DHRSX: variants seen among roughly 807,000 people sequenced by gnomAD.
DHRSX encodes polyprenol dehydrogenase.
A neutral mutation model predicts 34.0 loss-of-function variants in DHRSX; 31 were observed. The ratio of observed to expected loss-of-function variants is 0.91; its 90% confidence interval spans 0.69 to 1.23. The LOEUF is 1.23. Among genes scored for constraint, DHRSX ranks in the 50% most tolerant of loss-of-function variants. The pLI, the probability that DHRSX is intolerant of heterozygous loss-of-function variation, is 0.00. For missense variants in DHRSX, 414 were observed against 428.1 expected (o/e 0.97, Z 0.29); for synonymous variants, 201 against 183.8 (o/e 1.09, Z -0.76).
chrX:2,269,997 T>G (rs907246152), intron 4 of DHRSX, among the ~76,000 whole-genome samples: 3 of 152,204 alleles, frequency 2.0e-5, no homozygotes, highest in Non-Finnish European at 2.9e-5. Context: ...TATGGAGCTA[T>G]CTATACATAT....
At chrX:2,460,267 TC>T (rs1013991379) in intron 1 of DHRSX, among the ~76,000 whole-genome samples, 15 of 151,952 alleles carry the variant, frequency 9.9e-5, no homozygotes, top group African/African-American at 3.1e-4. Flanking sequence ...GATCAGGCTG[TC>T]CCCTAACACA....
intron 1 of DHRSX, among the ~76,000 whole-genome samples, chrX:2,477,611 C>T (rs1432737252): frequency 1.3e-5 from 2 of 152,042 alleles, no homozygotes; most frequent in Non-Finnish European, 2.9e-5. Flanking sequence ...TTTGGGAGGC[C>T]GAGGCGGATG....
intron 1 of DHRSX, among the ~76,000 whole-genome samples, chrX:2,428,320 C>T (rs1212672989): frequency 2.0e-5 from 3 of 152,056 alleles, no homozygotes; most frequent in East Asian, 3.9e-4. Flanking sequence ...GACACACACA[C>T]GTATGTTTAT....
At chrX:2,356,582 T>C (rs73189683) in intron 3 of DHRSX, among the ~76,000 whole-genome samples, 11,922 of 152,188 alleles carry the variant, frequency 0.078, 572 homozygotes, top group East Asian at 0.22. Context: ...AGAAACATAG[T>C]TGATCCTTCA....
chrX:2,318,424 G>A (rs772126093), intron 3 of DHRSX, among the ~76,000 whole-genome samples: 21 of 152,120 alleles, frequency 1.4e-4, no homozygotes, highest in Admixed American at 2.6e-4. Flanking sequence ...TCGGCATTAA[G>A]ATACAGGTCC....
At chrX:2,414,581 TCTC>T (rs1235123516) in intron 2 of DHRSX, among the ~76,000 whole-genome samples, 2 of 150,972 alleles carry the variant, frequency 1.3e-5, no homozygotes, top group Non-Finnish European at 3.0e-5. Context: ...TCCAACTAGA[TCTC>T]CTCATGACAT....
At chrX:2,386,976 T>C (rs2043280241) in intron 3 of DHRSX, among the ~76,000 whole-genome samples, 1 of 152,138 alleles carries the variant, frequency 6.6e-6, no homozygotes, top group South Asian at 2.1e-4. Flanking sequence ...AATTTTACTT[T>C]ATTTCTTAGA....
chrX:2,272,404 C>A (rs2041569679), intron 4 of DHRSX, among the ~76,000 whole-genome samples: 1 of 152,096 alleles, frequency 6.6e-6, no homozygotes, highest in Non-Finnish European at 1.5e-5. Flanking sequence ...CTAAAGCAGG[C>A]CTGCAAATTC....
intron 3 of DHRSX, among the ~76,000 whole-genome samples, chrX:2,352,041 A>T (rs1385877737): frequency 6.6e-6 from 1 of 152,026 alleles, no homozygotes; most frequent in Non-Finnish European, 1.5e-5. Flanking sequence ...TTGTTTCAAT[A>T]AACAGCTGTG....
chrX:2,227,365 A>G (rs2015692861), intron 6 of DHRSX, among the ~76,000 whole-genome samples: 1 of 151,402 alleles, frequency 6.6e-6, no homozygotes. Flanking sequence ...GAGGAAGAAG[A>G]AAGGAGGAAA....
At chrX:2,330,732 G>C (rs919062901) in intron 3 of DHRSX, among the ~76,000 whole-genome samples, 4 of 151,094 alleles carry the variant, frequency 2.6e-5, no homozygotes, top group Non-Finnish European at 5.9e-5. Flanking sequence ...GGAAGAAGTA[G>C]GAGGGGAAGA....
intron 3 of DHRSX, among the ~76,000 whole-genome samples, chrX:2,316,068 G>A (rs2124525389): frequency 6.6e-6 from 1 of 152,226 alleles, no homozygotes; most frequent in Admixed American, 6.5e-5. Context: ...CTCCTTGTTG[G>A]AAAGAGTGGT....
At chrX:2,318,875 C>T (rs2042272399) in intron 3 of DHRSX, among the ~76,000 whole-genome samples, 1 of 152,064 alleles carries the variant, frequency 6.6e-6, no homozygotes, top group Non-Finnish European at 1.5e-5. Flanking sequence ...TGCACAAGAT[C>T]CAAGAACCCT....
chrX:2,259,313 G>T (rs1347969967), intron 5 of DHRSX, among the ~76,000 whole-genome samples: 2 of 144,710 alleles, frequency 1.4e-5, no homozygotes, highest in Non-Finnish European at 3.0e-5. Flanking sequence ...TATAGATATA[G>T]ATATATAGAT....
chrX:2,424,820 C>G (rs1285720257), intron 2 of DHRSX, among the ~76,000 whole-genome samples: 1 of 152,092 alleles, frequency 6.6e-6, no homozygotes, highest in African/African-American at 2.4e-5. Context: ...GAATCGACAC[C>G]TAAGTAGCTC....
intron 1 of DHRSX, chrX:2,488,553 C>G: frequency 6.7e-7 from 1 of 1,487,074 alleles, no homozygotes; most frequent in South Asian, 1.4e-5. Context: ...AGGTTCAAAA[C>G]CAAGCTGACC....
intron 1 of DHRSX, among the ~76,000 whole-genome samples, chrX:2,473,421 C>T (rs1386695354): frequency 6.6e-6 from 1 of 152,044 alleles, no homozygotes; most frequent in Non-Finnish European, 1.5e-5. Context: ...GTCAGGAGTT[C>T]GAGACCAGCA....
chrX:2,413,649 T>C (rs957533716), intron 2 of DHRSX, among the ~76,000 whole-genome samples: 1 of 152,182 alleles, frequency 6.6e-6, no homozygotes, highest in Non-Finnish European at 1.5e-5. Context: ...CAATACAAAG[T>C]ATATGTGGCA....
intron 1 of DHRSX, among the ~76,000 whole-genome samples, chrX:2,485,316 C>T: frequency 6.6e-6 from 1 of 152,020 alleles, no homozygotes; most frequent in Middle Eastern, 3.4e-3. Context: ...AAAATGAACC[C>T]CTTTCAACCC....
Sources: gnomAD v4.1 joint callset for allele counts (sites outside exome capture counted in the v4.1 genomes callset) on GRCh38, gnomAD v4.1.1 for gene constraint, MANE v1.5 for transcripts, NCBI Gene and HGNC (gene_info 2026-07-23, HGNC 2026-07-21) for gene names.